Variants in ANO10 observed in about 807,000 individuals in gnomAD.
The protein encoded by ANO10 is anoctamin 10, also known as anoctamin-10.
Under a neutral mutation model 74.7 loss-of-function variants are expected in ANO10, and 77 were observed. The ratio of observed to expected loss-of-function variants is 1.03; its 90% CI spans 0.86 to 1.25. The LOEUF is 1.25. Among genes scored for constraint, ANO10 ranks in the 50% most tolerant of loss-of-function variants. The pLI is 0.00. For synonymous variants in ANO10, 279 were observed against 284.9 expected, an observed-to-expected ratio of 0.98 and a Z score of 0.21; for missense variants, 721 against 778.1, an observed-to-expected ratio of 0.93 and a Z score of 0.87.
rs1374211202 is a variant in ANO10 at position 43,385,058 on chromosome 3, G to T, written c.1915-18084C>A. Among the ~76,000 whole-genome samples the T allele has an allele frequency of 2.0e-5, 3 of 151,764 alleles. No homozygotes were observed. In the East Asian group the frequency reaches 5.8e-4, roughly 29 times the overall value. On this transcript the variant is annotated intron_variant, in intron 12 of 12. Transcript: ENST00000292246. Reference sequence around the variant, plus strand: ...AGGACTAATATCCAGAATCTACAAAGAATTCAAATCAGCAAGAAAAAAAAC... The same window carrying T: ...AGGACTAATATCCAGAATCTACAAATAATTCAAATCAGCAAGAAAAAAAAC...
chr3:43,459,706 A>G (rs537158898), intron 11 of ANO10, among the ~76,000 whole-genome samples: 2 of 152,254 alleles, frequency 1.3e-5, no homozygotes, highest in South Asian at 4.1e-4. Flanking sequence ...CAACCATTCA[A>G]GGGGGAAAGT....
intron 4 of ANO10, among the ~76,000 whole-genome samples, chr3:43,595,629 T>C (rs1292774294): frequency 6.6e-6 from 1 of 152,154 alleles, no homozygotes; most frequent in Non-Finnish European, 1.5e-5. Flanking sequence ...ATAAGAGCTA[T>C]TTATGACAAA....
chr3:43,410,536 T>C (rs1457246550), intron 12 of ANO10, among the ~76,000 whole-genome samples: 1 of 152,216 alleles, frequency 6.6e-6, no homozygotes, highest in Non-Finnish European at 1.5e-5. Flanking sequence ...AATTTAATTA[T>C]CTAGATTGCA....
intron 12 of ANO10, 134 bp from the exon 13 acceptor site, chr3:43,367,108 C>G (rs1020132663): frequency 6.3e-6 from 5 of 799,840 alleles, no homozygotes; most frequent in Non-Finnish European, 1.1e-5. Flanking sequence ...CTGCAGCTTC[C>G]TGCAAGTCCC....
At chr3:43,464,621 G>A (rs1297704712) in intron 11 of ANO10, among the ~76,000 whole-genome samples, 1 of 152,150 alleles carries the variant, frequency 6.6e-6, no homozygotes, top group Admixed American at 6.5e-5. Context: ...TGAGGTTGCA[G>A]TGAGCCATAA....
intron 11 of ANO10, among the ~76,000 whole-genome samples, chr3:43,508,289 T>G (rs1008853523): frequency 2.0e-5 from 3 of 151,772 alleles, no homozygotes; most frequent in African/African-American, 7.3e-5. Context: ...AACAAAGGAG[T>G]ACTACCTAGG....
Position 43,366,600 on chromosome 3 carries a change from C to T in ANO10, c.*306G>A. 2.1e-6 allele frequency: 1 copy of T among 474,610 alleles called. No individual in the cohort carries two copies. The highest frequency in any genetic ancestry group is 3.3e-5 in the Admixed American group (1 of 29,982). 29.4% of individuals were successfully genotyped at this position (474,610 alleles called of 1,614,324 possible). ...GAACGTGGAGAGCTGGTGGCTCACT[C>T]ATGGTGAGAGGCTCAAGGGCGGCAG... On this transcript the variant is annotated 3_prime_UTR_variant, in exon 13 of 13. Coordinates refer to ENST00000292246, the MANE Select transcript of ANO10 (RefSeq NM_018075.5).
chr3:43,687,832 TG>T (rs2084294179), intron 1 of ANO10, among the ~76,000 whole-genome samples: 1 of 152,006 alleles, frequency 6.6e-6, no homozygotes, highest in Non-Finnish European at 1.5e-5. Flanking sequence ...TTAAAGTATG[TG>T]GGGCCCTGGG....
chr3:43,597,178 A>C (rs892681676), intron 4 of ANO10, among the ~76,000 whole-genome samples: 5 of 152,246 alleles, frequency 3.3e-5, no homozygotes, highest in African/African-American at 4.8e-5. Context: ...ACGGTAAACT[A>C]GTTCAACCAT....
intron 11 of ANO10, among the ~76,000 whole-genome samples, chr3:43,435,224 G>A (rs753646408): frequency 4.6e-5 from 7 of 152,188 alleles, no homozygotes; most frequent in Non-Finnish European, 8.8e-5. Context: ...GCTGGGCAAA[G>A]TGGGCTGGGT....
chr3:43,593,969 T>C (rs2081948444), intron 4 of ANO10, among the ~76,000 whole-genome samples: 1 of 152,110 alleles, frequency 6.6e-6, no homozygotes, highest in Admixed American at 6.5e-5. Flanking sequence ...TCCTAGTCTC[T>C]GATAAAACAG....
intron 1 of ANO10, among the ~76,000 whole-genome samples, chr3:43,607,911 T>C (rs148930519): frequency 8.3e-4 from 126 of 152,042 alleles, no homozygotes; most frequent in African/African-American, 2.8e-3. Context: ...ATAAAAACCA[T>C]TGAATGATAA....
At chr3:43,593,966 C>G in intron 4 of ANO10, among the ~76,000 whole-genome samples, 1 of 152,098 alleles carries the variant, frequency 6.6e-6, no homozygotes, top group Non-Finnish European at 1.5e-5. Flanking sequence ...CAATCCTAGT[C>G]TCTGATAAAA....
At chr3:43,585,648 G>A (rs969616334) in intron 4 of ANO10, among the ~76,000 whole-genome samples, 5 of 152,158 alleles carry the variant, frequency 3.3e-5, no homozygotes, top group Admixed American at 6.5e-5. Flanking sequence ...GGTGGAAGCC[G>A]TGATTTCCAC....
chr3:43,393,959 A>C (rs936074044), intron 12 of ANO10, among the ~76,000 whole-genome samples: 1 of 151,982 alleles, frequency 6.6e-6, no homozygotes, highest in African/African-American at 2.4e-5. Context: ...TCTGCCCTAT[A>C]CATAAGCCTA....
intron 12 of ANO10, among the ~76,000 whole-genome samples, chr3:43,384,150 G>A (rs1052271045): frequency 6.6e-5 from 10 of 150,804 alleles, no homozygotes; most frequent in South Asian, 2.1e-4. Flanking sequence ...ATCAAATCAA[G>A]AACTCAACTT....
chr3:43,387,227 TAA>T (rs1400144736), intron 12 of ANO10, among the ~76,000 whole-genome samples: 2 of 152,194 alleles, frequency 1.3e-5, no homozygotes, highest in African/African-American at 4.8e-5. Context: ...TCTGTGTATC[TAA>T]ACATAGAAAA....
At chr3:43,487,107 T>A (rs545870862) in intron 11 of ANO10, among the ~76,000 whole-genome samples, 3,334 of 148,030 alleles carry the variant, frequency 0.023, 110 homozygotes, top group African/African-American at 0.079. Flanking sequence ...GGATTACATT[T>A]ATTGATTTGC....
At position 43,598,690 on chromosome 3, in the gene ANO10, G is replaced by T. The variant is rs187898103; in HGVS notation, c.338-24C>A. ...ATCTAAAATAAAACAGAAATTACCAGATTTTAGTAATAATCAAAATAAAAA... is the reference window on the plus strand; with the variant it reads ...ATCTAAAATAAAACAGAAATTACCATATTTTAGTAATAATCAAAATAAAAA... On this transcript the variant is annotated intron_variant, in intron 3 of 12. Coordinates refer to ENST00000292246, the MANE Select transcript of ANO10 (RefSeq NM_018075.5). The T allele has an allele frequency of 1.3e-4, 200 of 1,552,866 alleles. 2 individuals carry two copies. The East Asian group carries it at 3.7e-3, about 29-fold the overall frequency.
Sources: gnomAD v4.1 joint callset for allele counts (sites outside exome capture counted in the v4.1 genomes callset) on GRCh38, gnomAD v4.1.1 for gene constraint, MANE v1.5 for transcripts, NCBI Gene and HGNC (gene_info 2026-07-23, HGNC 2026-07-21) for gene names.